Variants in NOVA1 observed in about 807,000 individuals in gnomAD.
NOVA1 encodes RNA-binding protein Nova-1.
In NOVA1, 7 loss-of-function variants were observed where a neutral mutation model predicts 38.0. The observed-to-expected ratio is 0.18, with a 90% confidence interval of 0.10 to 0.35. The LOEUF (loss-of-function observed/expected upper bound fraction) is 0.35, where lower values mean the gene tolerates loss of function less well. NOVA1 is among the 10% of genes least tolerant of loss of function. The pLI is 1.00. For synonymous variants in NOVA1, 270 were observed against 232.5 expected (o/e 1.16, Z -1.47); for missense variants, 460 against 616.0 (o/e 0.75, Z 2.68).
intron 2 of NOVA1, among the ~76,000 whole-genome samples, chr14:26,504,193 G>A (rs1189433479): frequency 6.6e-6 from 1 of 152,082 alleles, no homozygotes; most frequent in Non-Finnish European, 1.5e-5. Flanking sequence ...AAAAACCAAT[G>A]AGCCACATGG....
At chr14:26,472,126 T>C (rs958490226) in intron 4 of NOVA1, 194 bp downstream of exon 4, 1 of 512,262 alleles carries the variant, frequency 2.0e-6, no homozygotes, top group Non-Finnish European at 3.5e-6. Context: ...AATATAGTAT[T>C]TGTTATCTAA....
chr14:26,492,626 G>C (rs1017932559), intron 2 of NOVA1, among the ~76,000 whole-genome samples: 29 of 152,072 alleles, frequency 1.9e-4, no homozygotes, highest in African/African-American at 7.0e-4. Flanking sequence ...GCGCATTAAA[G>C]CTATCCTATG....
At chr14:26,584,516 T>A (rs1002088329) in intron 2 of NOVA1, among the ~76,000 whole-genome samples, 2 of 151,366 alleles carry the variant, frequency 1.3e-5, no homozygotes, top group African/African-American at 4.8e-5. Flanking sequence ...TCAGCCAGTC[T>A]TTTCTTCTTT....
chr14:26,499,748 T>C (rs944630433), intron 2 of NOVA1, among the ~76,000 whole-genome samples: 11 of 152,148 alleles, frequency 7.2e-5, no homozygotes, highest in African/African-American at 2.7e-4. Context: ...TAGTGTTATA[T>C]GGCTATGGCA....
At position 26,471,075 on chromosome 14, in the gene NOVA1, T is replaced by C. The variant is rs541751048; in HGVS notation, c.519+1245A>G. ...TCCTTCAAAGAGAAGTGTTGGGTTT[T>C]ACAACACTGCAGATGTGTATTTACT... On this transcript the variant is annotated intron_variant, in intron 4 of 4. Transcript: ENST00000539517. 4.0e-5 allele frequency among the ~76,000 whole-genome samples: 5 copies of C among 125,416 alleles called. No homozygotes were observed. The South Asian group carries it at 1.6e-3, about 39-fold the overall frequency. The allele number at this position is 125,416 out of a possible 152,430, so 82.3% of individuals were successfully genotyped here.
chr14:26,581,034 C>T (rs908272962), intron 2 of NOVA1, among the ~76,000 whole-genome samples: 1 of 151,798 alleles, frequency 6.6e-6, no homozygotes, highest in African/African-American at 2.4e-5. Flanking sequence ...TTTTTAGTAC[C>T]TAAAGTTATA....
intron 2 of NOVA1, among the ~76,000 whole-genome samples, chr14:26,489,310 T>G (rs1886152506): frequency 6.6e-6 from 1 of 152,076 alleles, no homozygotes; most frequent in African/African-American, 2.4e-5. Flanking sequence ...TGTTGAAATT[T>G]CAAGGACTGA....
Position 26,496,272 on chromosome 14 carries a change from T to C in NOVA1, c.281-16129A>G, listed in dbSNP as rs1409478367. ...GTGATGGTGAGCATTTTTTCATGTG[T>C]TTTTTGGCTGCATAAATGTCTTCTT... is the stretch of plus-strand genomic sequence containing the variant. On this transcript the variant is annotated intron_variant, in intron 2 of 4. Coordinates refer to ENST00000539517, the MANE Select transcript of NOVA1 (RefSeq NM_002515.3). 2.0e-5 allele frequency among the ~76,000 whole-genome samples: 3 copies of C among 151,940 alleles called. No individual in the cohort carries two copies. In the East Asian group the frequency reaches 5.8e-4, roughly 29 times the overall value.
At chr14:26,521,967 C>A (rs564787733) in intron 2 of NOVA1, among the ~76,000 whole-genome samples, 1 of 151,986 alleles carries the variant, frequency 6.6e-6, no homozygotes, top group African/African-American at 2.4e-5. Context: ...AGTCAGTGTT[C>A]CTTATCATTA....
At chr14:26,491,202 C>T (rs922696786) in intron 2 of NOVA1, among the ~76,000 whole-genome samples, 3 of 151,460 alleles carry the variant, frequency 2.0e-5, no homozygotes, top group African/African-American at 4.9e-5. Context: ...GATGGGGTCT[C>T]GCAATGTTAC....
chr14:26,591,955 AC>A (rs1436211446), intron 2 of NOVA1, among the ~76,000 whole-genome samples: 1 of 146,186 alleles, frequency 6.8e-6, no homozygotes, highest in Non-Finnish European at 1.5e-5. Flanking sequence ...TTTTATAATG[AC>A]AAATATTAAA....
At chr14:26,499,077 A>AT (rs1164950334) in intron 2 of NOVA1, among the ~76,000 whole-genome samples, 1 of 152,228 alleles carries the variant, frequency 6.6e-6, no homozygotes, top group Non-Finnish European at 1.5e-5. Context: ...AAAGTAGCAA[A>AT]TATGTAGGAT....
chr14:26,552,095 A>T (rs1891198216), intron 2 of NOVA1, among the ~76,000 whole-genome samples: 1 of 152,250 alleles, frequency 6.6e-6, no homozygotes, highest in African/African-American at 2.4e-5. Context: ...ACTACTTCAA[A>T]TGTAAAGAGT....
chr14:26,574,100 A>G (rs1324245365), intron 2 of NOVA1, among the ~76,000 whole-genome samples: 3 of 141,936 alleles, frequency 2.1e-5, no homozygotes, highest in Non-Finnish European at 3.0e-5. Flanking sequence ...ATCTCAGCTC[A>G]CTGCAACCTC....
At chr14:26,507,952 C>T (rs1258047583) in intron 2 of NOVA1, among the ~76,000 whole-genome samples, 2 of 151,788 alleles carry the variant, frequency 1.3e-5, no homozygotes, top group Non-Finnish European at 2.9e-5. Context: ...CTGTCCTAAA[C>T]AAGACCATAA....
intron 4 of NOVA1, among the ~76,000 whole-genome samples, chr14:26,464,868 A>G (rs1004789149): frequency 2.0e-5 from 3 of 152,156 alleles, no homozygotes; most frequent in Non-Finnish European, 4.4e-5. Flanking sequence ...AAAATTGTAT[A>G]TTACTTAATA....
At chr14:26,471,327 C>T (rs1172758301) in intron 4 of NOVA1, among the ~76,000 whole-genome samples, 1 of 151,490 alleles carries the variant, frequency 6.6e-6, no homozygotes, top group Admixed American at 6.6e-5. Context: ...ACGCAAAAGC[C>T]ACATTTAATA....
intron 3 of NOVA1, among the ~76,000 whole-genome samples, chr14:26,478,400 C>T (rs1885162469): frequency 6.6e-6 from 1 of 151,772 alleles, no homozygotes; most frequent in African/African-American, 2.4e-5. Flanking sequence ...AAGATATTGG[C>T]TTCTATCCCT....
At chr14:26,468,348 C>CA (rs1884314092) in intron 4 of NOVA1, among the ~76,000 whole-genome samples, 2 of 151,494 alleles carry the variant, frequency 1.3e-5, no homozygotes, top group African/African-American at 4.9e-5. Context: ...TGAATGCTGC[C>CA]AACAACCTGG....
Sources: allele counts gnomAD v4.1 joint callset (sites outside exome capture counted in the v4.1 genomes callset), GRCh38; gene constraint gnomAD v4.1.1; transcripts MANE v1.5; gene names NCBI Gene and HGNC (gene_info 2026-07-23, HGNC 2026-07-21).